The following ZNF385D variants were observed in gnomAD, a reference collection of about 807,000 sequenced individuals.
ZNF385D encodes zinc finger protein 659.
ZNF385D carries 15 observed loss-of-function variants against 35.8 expected under a neutral mutation model. The ratio of observed to expected loss-of-function variants is 0.42; its 90% CI spans 0.28 to 0.64. The LOEUF is 0.64. Ranked by LOEUF, ZNF385D falls within the 30% of genes least tolerant of loss-of-function variation. The probability of loss-of-function intolerance (pLI) is 0.23; values close to 1 mark genes in which losing one functional copy is unlikely to be tolerated. For missense variants in ZNF385D, 474 were observed against 494.6 expected (o/e 0.96, Z 0.39); for synonymous variants, 212 against 186.8 (o/e 1.13, Z -1.10).
intron 3 of ZNF385D, among the ~76,000 whole-genome samples, chr3:21,531,774 G>A (rs1002998478): frequency 1.8e-4 from 27 of 152,172 alleles, no homozygotes; most frequent in African/African-American, 5.8e-4. Flanking sequence ...GGAACACAGA[G>A]AACGTCTAAG....
At chr3:22,124,181 G>A (rs1208436444) in intron 3 of ZNF385D, among the ~76,000 whole-genome samples, 1 of 151,858 alleles carries the variant, frequency 6.6e-6, no homozygotes, top group Admixed American at 6.6e-5. Flanking sequence ...GTGAGAATAT[G>A]TCATGTTTTT....
chr3:21,573,305 C>A (rs979413418), intron 2 of ZNF385D, among the ~76,000 whole-genome samples: 1 of 151,886 alleles, frequency 6.6e-6, no homozygotes, highest in Admixed American at 6.6e-5. Flanking sequence ...ATCTGAGTGG[C>A]CAGTAAAAAT....
rs534642151 is a variant in ZNF385D at position 21,726,858 on chromosome 3, A to C, written c.22+24037T>G. ...TATGGAACCAAAAAAGAGCCCGCAT[A>C]GCCAAGAGAATTCTAAGCAAAAAGA... On this transcript the variant is annotated intron_variant, in intron 1 of 7. Transcript: ENST00000281523. Among the ~76,000 whole-genome samples the C allele has an allele frequency of 8.5e-5, 13 of 152,290 alleles. No homozygotes were observed. The South Asian group carries it at 1.7e-3, about 19-fold the overall frequency.
chr3:22,284,261 T>C (rs1701914057), intron 2 of ZNF385D, among the ~76,000 whole-genome samples: 1 of 152,178 alleles, frequency 6.6e-6, no homozygotes, highest in Non-Finnish European at 1.5e-5. Context: ...CGATCTTGGC[T>C]CACTGCAACC....
At chr3:21,965,277 A>T (rs893268036) in intron 3 of ZNF385D, among the ~76,000 whole-genome samples, 1 of 152,206 alleles carries the variant, frequency 6.6e-6, no homozygotes, top group Non-Finnish European at 1.5e-5. Flanking sequence ...ATTAAATAAT[A>T]TGCATCAAAT....
At chr3:22,058,431 C>A (rs189980930) in intron 3 of ZNF385D, among the ~76,000 whole-genome samples, 2 of 152,278 alleles carry the variant, frequency 1.3e-5, no homozygotes, top group Admixed American at 1.3e-4. Flanking sequence ...TTTGCTCATT[C>A]CAGCTCTCCC....
chr3:22,322,156 A>G (rs944077426), intron 2 of ZNF385D, among the ~76,000 whole-genome samples: 4 of 152,244 alleles, frequency 2.6e-5, no homozygotes, highest in Middle Eastern at 3.4e-3. Context: ...TAGGCAATAT[A>G]TCTTTACTCA....
At chr3:22,027,809 C>A (rs1366573383) in intron 3 of ZNF385D, among the ~76,000 whole-genome samples, 1 of 152,164 alleles carries the variant, frequency 6.6e-6, no homozygotes, top group African/African-American at 2.4e-5. Flanking sequence ...TCTACCCCAG[C>A]CTGCAACAAT....
intron 2 of ZNF385D, among the ~76,000 whole-genome samples, chr3:22,235,248 A>G (rs187293248): frequency 2.3e-4 from 35 of 152,246 alleles, no homozygotes; most frequent in Admixed American, 2.6e-4. Context: ...GTCTTCTCAA[A>G]AAGAATAATT....
At chr3:21,756,729 A>G (rs951315230) in intron 3 of ZNF385D, among the ~76,000 whole-genome samples, 1 of 152,198 alleles carries the variant, frequency 6.6e-6, no homozygotes, top group Non-Finnish European at 1.5e-5. Context: ...TTTTGAATGC[A>G]TATGTGTTGA....
intron 3 of ZNF385D, among the ~76,000 whole-genome samples, chr3:22,025,387 TGA>T (rs1357014294): frequency 6.6e-6 from 1 of 152,120 alleles, no homozygotes; most frequent in East Asian, 1.9e-4. Flanking sequence ...GAGGTGACGT[TGA>T]GAGTGTGACC....
At position 22,070,066 on chromosome 3, in the gene ZNF385D, A is replaced by C. The variant is rs373573532; in HGVS notation, c.325+98751T>G. 2.0e-5 allele frequency among the ~76,000 whole-genome samples: 3 copies of C among 152,208 alleles called. No homozygotes were observed. The East Asian group carries it at 5.8e-4, about 29-fold the overall frequency. On this transcript the variant is annotated intron_variant, in intron 3 of 5. Coordinates refer to the ZNF385D transcript ENST00000494108. Reference sequence around the variant, plus strand: ...ATTCTGAATTGTATGCTGACATTGAAAATGGCCCTTTCCTAGAATTAAAAA... The same window carrying C: ...ATTCTGAATTGTATGCTGACATTGACAATGGCCCTTTCCTAGAATTAAAAA...
intron 3 of ZNF385D, among the ~76,000 whole-genome samples, chr3:22,005,766 C>G (rs777844151): frequency 1.2e-4 from 18 of 151,984 alleles, no homozygotes; most frequent in Non-Finnish European, 2.1e-4. Context: ...CTTTAGAACC[C>G]TAAGTGTGAA....
chr3:21,448,140 A>T (rs1035442294), intron 4 of ZNF385D, among the ~76,000 whole-genome samples: 2 of 152,172 alleles, frequency 1.3e-5, no homozygotes, highest in Non-Finnish European at 2.9e-5. Flanking sequence ...CATTGCTCAG[A>T]CATCTAGATT....
At chr3:21,708,480 T>C (rs2067986790) in intron 1 of ZNF385D, among the ~76,000 whole-genome samples, 1 of 152,190 alleles carries the variant, frequency 6.6e-6, no homozygotes, top group Non-Finnish European at 1.5e-5. Flanking sequence ...CCTCCTATAA[T>C]TTATGATTCC....
chr3:22,108,368 G>GT (rs199890876), intron 3 of ZNF385D, among the ~76,000 whole-genome samples: 9,427 of 145,082 alleles, frequency 0.065, 401 homozygotes, highest in South Asian at 0.12. Flanking sequence ...GGTTTTTTTT[G>GT]TTTTTTTTTT....
At chr3:21,600,003 A>G (rs2125758117) in intron 2 of ZNF385D, among the ~76,000 whole-genome samples, 1 of 152,356 alleles carries the variant, frequency 6.6e-6, no homozygotes, top group East Asian at 1.9e-4. Flanking sequence ...GAAGCCGGCT[A>G]AAACGAAAAC....
chr3:21,838,489 G>A (rs981151847), intron 3 of ZNF385D, among the ~76,000 whole-genome samples: 1 of 152,032 alleles, frequency 6.6e-6, no homozygotes, highest in African/African-American at 2.4e-5. Flanking sequence ...TCAGCTATAA[G>A]ACCTTTTTGC....
chr3:22,292,832 G>A (rs74827243), intron 2 of ZNF385D, among the ~76,000 whole-genome samples: 1,895 of 152,164 alleles, frequency 0.012, 19 homozygotes, highest in Non-Finnish European at 0.019. Flanking sequence ...ATTCTATAGT[G>A]ACAGAAAAAG....
Sources: gnomAD v4.1 joint callset for allele counts (sites outside exome capture counted in the v4.1 genomes callset) on GRCh38, gnomAD v4.1.1 for gene constraint, MANE v1.5 for transcripts, NCBI Gene and HGNC (gene_info 2026-07-23, HGNC 2026-07-21) for gene names.